Variants in TUT4 observed in about 807,000 individuals in gnomAD.
TUT4 encodes terminal uridylyl transferase 4.
In TUT4, 36 loss-of-function variants were observed where a neutral mutation model predicts 192.2. That is an observed-to-expected ratio of 0.19 (90% CI 0.14 to 0.25). TUT4 has a LOEUF of 0.25. Ranked by LOEUF, TUT4 falls within the 10% of genes least tolerant of loss-of-function variation. TUT4 has a pLI of 1.00. For missense variants in TUT4, 1,493 were observed against 1,957.2 expected, an observed-to-expected ratio of 0.76 and a Z score of 4.47; for synonymous variants, 618 against 666.0, an observed-to-expected ratio of 0.93 and a Z score of 1.11.
intron 3 of TUT4, among the ~76,000 whole-genome samples, chr1:52,511,392 A>T (rs1677119407): frequency 6.6e-6 from 1 of 152,220 alleles, no homozygotes; most frequent in Non-Finnish European, 1.5e-5. Flanking sequence ...TATTGAGCTC[A>T]TATTATACAG....
chr1:52,446,479 T>C, intron 21 of TUT4, 37 bp from the exon 22 acceptor site: 1 of 1,571,622 alleles, frequency 6.4e-7, no homozygotes, highest in African/African-American at 1.4e-5. Flanking sequence ...ACAATGTCTA[T>C]ACAGTACTAT....
At chr1:52,438,407 A>G (rs1654457828) in intron 24 of TUT4, 72 bp from the exon 25 acceptor site, 8 of 978,556 alleles carry the variant, frequency 8.2e-6, no homozygotes, top group Non-Finnish European at 1.1e-5. Context: ...AAGAAGACCA[A>G]GATGCAAACA....
chr1:52,514,309 C>T (rs1023622966), intron 3 of TUT4, among the ~76,000 whole-genome samples: 1 of 152,028 alleles, frequency 6.6e-6, no homozygotes, highest in Admixed American at 6.6e-5. Context: ...GGCATGGTGG[C>T]GCACAATTGT....
intron 3 of TUT4, among the ~76,000 whole-genome samples, chr1:52,513,177 T>TA (rs1277664398): frequency 2.0e-5 from 3 of 146,666 alleles, no homozygotes; most frequent in African/African-American, 7.5e-5. Flanking sequence ...CTCACACCTG[T>TA]AAACTCAGCA....
chr1:52,433,755 G>A (rs1652860048), intron 27 of TUT4: 1 of 152,166 alleles, frequency 6.6e-6, no homozygotes, highest in African/African-American at 2.4e-5. Context: ...TGAAACCTCG[G>A]TTTCTTTACC....
At position 52,536,686 on chromosome 1, in the gene TUT4, C is replaced by T. The variant is rs1684987998; in HGVS notation, c.-93-10313G>A. On this transcript the variant is annotated intron_variant, in intron 1 of 29. Coordinates refer to ENST00000257177, the MANE Select transcript of TUT4 (RefSeq NM_001009881.3). Reference sequence around the variant, plus strand: ...TGGAGAACATGGTGAAACCCTGTCTCTACTAAAAATACGAAAAAATAAGAG... The same window carrying T: ...TGGAGAACATGGTGAAACCCTGTCTTTACTAAAAATACGAAAAAATAAGAG... Among the ~76,000 whole-genome samples, 3 of 151,490 alleles carry T rather than the reference C, an allele frequency of 2.0e-5. No homozygotes were observed. In the South Asian group the frequency reaches 6.2e-4, roughly 32 times the overall value.
intron 4 of TUT4, among the ~76,000 whole-genome samples, chr1:52,508,169 T>C (rs1278244976): frequency 1.3e-5 from 2 of 151,740 alleles, no homozygotes; most frequent in African/African-American, 4.8e-5. Context: ...CCGTCTCTAT[T>C]AAAAATACAA....
intron 1 of TUT4, among the ~76,000 whole-genome samples, chr1:52,541,208 TAA>T (rs548079594): frequency 5.0e-4 from 42 of 84,516 alleles, no homozygotes; most frequent in Admixed American, 6.2e-4. Context: ...GACTCTGTCT[TAA>T]AAAAAAAAAA....
intron 1 of TUT4, among the ~76,000 whole-genome samples, chr1:52,533,559 T>G (rs903144158): frequency 6.6e-6 from 1 of 152,204 alleles, no homozygotes; most frequent in Non-Finnish European, 1.5e-5. Flanking sequence ...AGAGTTCCTT[T>G]CACTATCATC....
chr1:52,497,222 AG>A, intron 4 of TUT4, 39 bp from the exon 5 acceptor site: 1 of 1,521,234 alleles, frequency 6.6e-7, no homozygotes, highest in Non-Finnish European at 8.8e-7. Context: ...AAACAAAAAA[AG>A]TTTCTATTTT....
At chr1:52,540,088 G>A (rs1357044700) in intron 1 of TUT4, among the ~76,000 whole-genome samples, 1 of 150,834 alleles carries the variant, frequency 6.6e-6, no homozygotes, top group Non-Finnish European at 1.5e-5. Context: ...GCATGGTGGC[G>A]GGCGCCTGTG....
chr1:52,423,865 T>C lies in TUT4; in HGVS notation c.*70A>G, dbSNP rs1648843950. 1.3e-6 allele frequency: 2 copies of C among 1,584,062 alleles called. No individual in the cohort carries two copies. Among genetic ancestry groups the C allele is most frequent in the East Asian group, 2.3e-5 (1 of 43,348 alleles). On this transcript the variant is annotated 3_prime_UTR_variant, in exon 30 of 30. Coordinates refer to ENST00000257177, the MANE Select transcript of TUT4 (RefSeq NM_001009881.3). ...AATGTAACTGACATTGAGGTACGGA[T>C]ACCCTTGAGACAGCAGGATTGGCTG...
At chr1:52,535,238 T>G (rs1009211997) in intron 1 of TUT4, 1 of 152,154 alleles carries the variant, frequency 6.6e-6, no homozygotes, top group South Asian at 2.1e-4. Flanking sequence ...TAATTAGACT[T>G]GGGCCTCCTA....
intron 24 of TUT4, among the ~76,000 whole-genome samples, chr1:52,440,949 G>C (rs2148348555): frequency 6.6e-6 from 1 of 152,156 alleles, no homozygotes; most frequent in South Asian, 2.1e-4. Context: ...ATTTAATTGG[G>C]GTTCAAAGTT....
intron 28 of TUT4, among the ~76,000 whole-genome samples, chr1:52,427,861 CAGT>C (rs1650499091): frequency 6.6e-6 from 1 of 152,206 alleles, no homozygotes; most frequent in Admixed American, 6.5e-5. Flanking sequence ...TACAACCAGA[CAGT>C]AAGTTCCTTC....
Position 52,475,668 on chromosome 1 carries a change from C to G in TUT4, c.2024-133G>C, listed in dbSNP as rs565429309. 29 of 782,738 alleles carry G rather than the reference C, an allele frequency of 3.7e-5. No individual in the cohort carries two copies. The African/African-American group carries it at 4.5e-4, about 12-fold the overall frequency. 48.5% of individuals were successfully genotyped at this position (782,738 alleles called of 1,614,324 possible). A position where few individuals can be genotyped will look rare whatever the true frequency, so the allele number is the denominator to read the frequency against. On this transcript the variant is annotated intron_variant, in intron 12 of 29. Coordinates refer to ENST00000257177, the MANE Select transcript of TUT4 (RefSeq NM_001009881.3). ...CCAAGGGGTTTTTCTAAGCTAGACT[C>G]CCAGTGAAAGTTCCTGAAAATGGGA...
At chr1:52,455,675 G>C (rs12408771) in intron 20 of TUT4, among the ~76,000 whole-genome samples, 7,175 of 145,042 alleles carry the variant, frequency 0.049, 243 homozygotes, top group African/African-American at 0.064. Context: ...GGGGGGGAGA[G>C]GGAAGGAGGA....
intron 10 of TUT4, 23 bp downstream of exon 10, chr1:52,481,781 A>G (rs754703231): frequency 1.3e-5 from 21 of 1,569,146 alleles, no homozygotes; most frequent in Non-Finnish European, 1.7e-5. Context: ...ATATGCATAT[A>G]TATGTCACAA....
In TUT4 at chr1:52,462,918, T is replaced by C. The variant is rs139727425; in HGVS notation, c.3070-1149A>G. The C allele has an allele frequency of 5.1e-3, 5,031 of 985,404 alleles. 13 individuals are homozygous for C. Among genetic ancestry groups the C allele is most frequent in the South Asian group, 7.0e-3 (149 of 21,286 alleles). 61.0% of individuals were successfully genotyped at this position (985,404 alleles called of 1,614,324 possible). On this transcript the variant is annotated intron_variant, in intron 16 of 29. Transcript: ENST00000257177. ...TCAATCCCAAGAGTTATAAAGTCAT[T>C]TGCATTTTTCCAACATGTTCTTTTT... is the stretch of plus-strand genomic sequence containing the variant.
Sources: allele counts gnomAD v4.1 joint callset (sites outside exome capture counted in the v4.1 genomes callset), GRCh38; gene constraint gnomAD v4.1.1; transcripts MANE v1.5; gene names NCBI Gene and HGNC (gene_info 2026-07-23, HGNC 2026-07-21).